Variants in CDC42SE2 observed in about 807,000 individuals in gnomAD.
CDC42SE2 encodes the protein CDC42 small effector 2.
Under a neutral mutation model 11.5 loss-of-function variants are expected in CDC42SE2, and 3 were observed. The ratio of observed to expected loss-of-function variants is 0.26; its 90% CI spans 0.12 to 0.67. The LOEUF is 0.67. CDC42SE2 is among the 30% of genes least tolerant of loss of function. CDC42SE2 has a pLI of 0.80. For synonymous variants in CDC42SE2, 33 were observed against 34.8 expected (o/e 0.95, Z 0.18); for missense variants, 82 against 106.8 (o/e 0.77, Z 1.02).
At chr5:131,216,714 T>C in the CDC42SE2 span, among the ~76,000 whole-genome samples, 6 of 152,022 alleles carry the variant, frequency 3.9e-5, no homozygotes, top group African/African-American at 1.4e-4. Flanking sequence ...ATCCCTAACC[T>C]TCAGGTCCCC....
In CDC42SE2 at chr5:131,332,546, A is replaced by G. The variant is rs556881694; in HGVS notation, c.-286+16402A>G. Among the ~76,000 whole-genome samples, 716 of 151,778 alleles carry G rather than the reference A, an allele frequency of 4.7e-3. 11 individuals are homozygous for G. Among genetic ancestry groups the G allele is most frequent in the African/African-American group, 0.016 (672 of 41,428 alleles). On this transcript the variant is annotated intron_variant, in intron 2 of 4. Coordinates refer to ENST00000505065, the MANE Select transcript of CDC42SE2 (RefSeq NM_001375635.1). ...TAGATCCCTGAGGAATTGCCACACCAACTTCCACAATGGTTGAACTAGTTT... is the reference window on the plus strand; with the variant it reads ...TAGATCCCTGAGGAATTGCCACACCGACTTCCACAATGGTTGAACTAGTTT...
intron 3 of CDC42SE2, among the ~76,000 whole-genome samples, chr5:131,376,823 G>T (rs1750169287): frequency 6.6e-6 from 1 of 152,112 alleles, no homozygotes; most frequent in African/African-American, 2.4e-5. Context: ...ACATGGTCTA[G>T]TTCTTTTTTA....
Position 131,393,629 on chromosome 5 carries a change from A to C in CDC42SE2, c.*2538A>C, listed in dbSNP as rs1464297954. 1 of 152,326 alleles carries C rather than the reference A, an allele frequency of 6.6e-6. No homozygotes were observed. The allele number at this position is 152,326 out of a possible 1,614,324, so 9.4% of individuals were successfully genotyped here. A position where few individuals can be genotyped will look rare whatever the true frequency, so the allele number is the denominator to read the frequency against. Reference sequence around the variant, plus strand: ...GGGACATTGCTATGTGCTGTGTGCAAGCTCTTTAGAAGAGAGATTGGATTT... The same window carrying C: ...GGGACATTGCTATGTGCTGTGTGCACGCTCTTTAGAAGAGAGATTGGATTT... On this transcript the variant is annotated 3_prime_UTR_variant, in exon 5 of 5. Transcript: ENST00000505065.
In CDC42SE2 at chr5:131,392,522, TTTGA is replaced by T. The variant is rs140214993; in HGVS notation, c.*1442_*1445del. The T allele has an allele frequency of 7.1e-4, 108 of 152,412 alleles. 2 individuals are homozygous for T. The highest frequency in any genetic ancestry group is 1.2e-3 in the Non-Finnish European group (79 of 68,010). 9.4% of individuals were successfully genotyped at this position (152,412 alleles called of 1,614,324 possible). A position where few individuals can be genotyped will look rare whatever the true frequency, so the allele number is the denominator to read the frequency against. On this transcript the variant is annotated 3_prime_UTR_variant, in exon 5 of 5. Transcript: ENST00000505065. ...TTTAGAAGTATGACCTTTTGGTCTGTTTGATTGATTGATTAGAATTGCAATAAAA... is the reference window on the plus strand; with the variant it reads ...TTTAGAAGTATGACCTTTTGGTCTGTTTGATTGATTAGAATTGCAATAAAA...
chr5:131,343,352 T>G (rs1159377013), intron 2 of CDC42SE2, among the ~76,000 whole-genome samples: 1 of 152,120 alleles, frequency 6.6e-6, no homozygotes. Context: ...ACCTGCTGTG[T>G]TTGTGTCACA....
the CDC42SE2 span, among the ~76,000 whole-genome samples, chr5:131,221,712 G>C: frequency 6.6e-6 from 1 of 152,032 alleles, no homozygotes; most frequent in Non-Finnish European, 1.5e-5. Flanking sequence ...ATGCCTAACA[G>C]AGTATCTGAC....
At chr5:131,289,541 C>T (rs980722037) in intron 1 of CDC42SE2, among the ~76,000 whole-genome samples, 2 of 151,390 alleles carry the variant, frequency 1.3e-5, no homozygotes, top group African/African-American at 2.4e-5. Context: ...GGCGTGGTGG[C>T]ACGCGCCTGT....
At chr5:131,300,323 G>A (rs1307837117) in intron 1 of CDC42SE2, among the ~76,000 whole-genome samples, 1 of 152,080 alleles carries the variant, frequency 6.6e-6, no homozygotes, top group Non-Finnish European at 1.5e-5. Flanking sequence ...GGTTGGAAAA[G>A]GGGGACAGTG....
At chr5:131,295,251 C>T (rs1011888724) in intron 1 of CDC42SE2, among the ~76,000 whole-genome samples, 16 of 151,444 alleles carry the variant, frequency 1.1e-4, no homozygotes, top group African/African-American at 3.4e-4. Flanking sequence ...CCATTGCACT[C>T]CAGCCTGGGT....
intron 2 of CDC42SE2, among the ~76,000 whole-genome samples, chr5:131,324,686 T>A (rs534883687): frequency 2.6e-5 from 4 of 152,230 alleles, no homozygotes; most frequent in Non-Finnish European, 5.9e-5. Context: ...TTCCACACAT[T>A]TTTTTTAAAA....
chr5:131,216,517 A>AC, the CDC42SE2 span, among the ~76,000 whole-genome samples: 3 of 151,260 alleles, frequency 2.0e-5, no homozygotes, highest in African/African-American at 7.4e-5. Context: ...AAAAAAAAAA[A>AC]AAAAACATTA....
At chr5:131,259,526 CTTTT>C (rs1457461744), upstream of CDC42SE2, among the ~76,000 whole-genome samples, 9 of 151,630 alleles carry the variant, frequency 5.9e-5, no homozygotes, top group Non-Finnish European at 1.2e-4. Context: ...TTTCCTCTTT[CTTTT>C]GATTCACTTG....
intron 2 of CDC42SE2, among the ~76,000 whole-genome samples, chr5:131,337,494 G>A (rs931545913): frequency 6.6e-6 from 1 of 152,210 alleles, no homozygotes; most frequent in African/African-American, 2.4e-5. Flanking sequence ...TCTCTTCAAA[G>A]CTGTCAGACA....
At chr5:131,311,667 T>TGA (rs928390328) in intron 1 of CDC42SE2, among the ~76,000 whole-genome samples, 2 of 152,198 alleles carry the variant, frequency 1.3e-5, no homozygotes, top group Non-Finnish European at 1.5e-5. Flanking sequence ...TCTCTGAACT[T>TGA]CCCTTCTCAC....
At chr5:131,325,800 C>T (rs1452492645) in intron 2 of CDC42SE2, among the ~76,000 whole-genome samples, 1 of 152,190 alleles carries the variant, frequency 6.6e-6, no homozygotes, top group Non-Finnish European at 1.5e-5. Flanking sequence ...TATATCTCTT[C>T]TTTCCTCTTC....
At chr5:131,381,942 C>T (rs1327083722) in intron 3 of CDC42SE2, among the ~76,000 whole-genome samples, 3 of 152,136 alleles carry the variant, frequency 2.0e-5, no homozygotes, top group Admixed American at 6.5e-5. Context: ...TTACTATGCT[C>T]GCACAACACA....
At chr5:131,320,579 T>TA (rs1758165945) in intron 2 of CDC42SE2, among the ~76,000 whole-genome samples, 1 of 151,508 alleles carries the variant, frequency 6.6e-6, no homozygotes, top group African/African-American at 2.4e-5. Flanking sequence ...CCATATCTGC[T>TA]AAAAATACAA....
chr5:131,353,523 C>T (rs767535682), intron 2 of CDC42SE2, among the ~76,000 whole-genome samples: 21 of 152,270 alleles, frequency 1.4e-4, no homozygotes, highest in Admixed American at 3.3e-4. Flanking sequence ...CTCATGTAAT[C>T]CTCCCACTTT....
intron 2 of CDC42SE2, among the ~76,000 whole-genome samples, chr5:131,256,373 C>T (rs753338009): frequency 3.9e-5 from 6 of 152,174 alleles, no homozygotes; most frequent in Non-Finnish European, 8.8e-5. Context: ...AGAGGGTCAC[C>T]TCAAAGATAG....
Sources: gnomAD v4.1 joint callset for allele counts (sites outside exome capture counted in the v4.1 genomes callset) on GRCh38, gnomAD v4.1.1 for gene constraint, MANE v1.5 for transcripts, NCBI Gene and HGNC (gene_info 2026-07-23, HGNC 2026-07-21) for gene names.